Variants in SLC22A9 observed in about 807,000 individuals in gnomAD.
SLC22A9 encodes organic anion transporter 7.
Under a neutral mutation model 50.1 loss-of-function variants are expected in SLC22A9, and 64 were observed. The ratio of observed to expected loss-of-function variants is 1.28; its 90% CI spans 1.04 to 1.57. SLC22A9 has a LOEUF of 1.57. Ranked by LOEUF, SLC22A9 falls within the 40% of genes most tolerant of loss-of-function variation. SLC22A9 has a pLI of 0.00. For synonymous variants in SLC22A9, 261 were observed against 242.5 expected (o/e 1.08, Z -0.71); for missense variants, 757 against 676.1 (o/e 1.12, Z -1.33).
intron 6 of SLC22A9, among the ~76,000 whole-genome samples, chr11:63,387,096 T>G (rs150906194): frequency 2.8e-4 from 43 of 152,248 alleles, no homozygotes; most frequent in Admixed American, 5.2e-4. Flanking sequence ...ATGTTGTCTC[T>G]TTGTTCTCCT....
intron 6 of SLC22A9, among the ~76,000 whole-genome samples, chr11:63,397,499 T>C (rs562135353): frequency 6.6e-6 from 1 of 152,308 alleles, no homozygotes; most frequent in East Asian, 1.9e-4. Context: ...GATGGGTCTA[T>C]AGATGCCATC....
chr11:63,390,840 T>C (rs1437864933), intron 6 of SLC22A9, among the ~76,000 whole-genome samples: 3 of 151,986 alleles, frequency 2.0e-5, no homozygotes, highest in Non-Finnish European at 4.4e-5. Flanking sequence ...TAATCTTTAT[T>C]ATTTATTTTC....
In SLC22A9 at chr11:63,409,012, C is replaced by A; in HGVS notation, c.1601+133C>A. 7.3e-6 allele frequency: 7 copies of A among 962,946 alleles called. No homozygotes were observed. The South Asian group carries it at 1.0e-4, about 14-fold the overall frequency. The allele number at this position is 962,946 out of a possible 1,614,324, so 59.7% of individuals were successfully genotyped here. On this transcript the variant is annotated intron_variant, in intron 9 of 9. Coordinates refer to ENST00000279178, the MANE Select transcript of SLC22A9 (RefSeq NM_080866.3). ...TAGGATTTTCCCATGTAATCAGTGC[C>A]TTAGGTCTAGGTACAGCCACATGCC...
intron 6 of SLC22A9, 79 bp downstream of exon 6, chr11:63,382,356 T>C: frequency 1.0e-6 from 1 of 995,430 alleles, no homozygotes. Context: ...TAGTACAGCA[T>C]GTTTAGGAAA....
chr11:63,376,233 C>T (rs1448574356), intron 5 of SLC22A9, among the ~76,000 whole-genome samples: 2 of 152,074 alleles, frequency 1.3e-5, no homozygotes, highest in Admixed American at 6.6e-5. Flanking sequence ...TGAGGCACTA[C>T]CTATGCCAGA....
chr11:63,402,258 C>G (rs900644050), intron 6 of SLC22A9, among the ~76,000 whole-genome samples: 1 of 151,994 alleles, frequency 6.6e-6, no homozygotes, highest in Admixed American at 6.6e-5. Context: ...TACATTCAAG[C>G]CTTTCATCCA....
intron 6 of SLC22A9, among the ~76,000 whole-genome samples, chr11:63,400,159 A>G (rs1331235736): frequency 1.3e-5 from 2 of 152,114 alleles, no homozygotes; most frequent in Non-Finnish European, 2.9e-5. Flanking sequence ...AATTAGCAGC[A>G]GGAAAGAAAT....
chr11:63,388,622 G>A (rs1027971912), intron 6 of SLC22A9, among the ~76,000 whole-genome samples: 3 of 151,922 alleles, frequency 2.0e-5, no homozygotes, highest in Non-Finnish European at 4.4e-5. Flanking sequence ...AGGGATATTA[G>A]CCTGTAGGTT....
chr11:63,370,513 A>G, intron 1 of SLC22A9, 55 bp downstream of exon 1: 1 of 1,505,754 alleles, frequency 6.6e-7, no homozygotes, highest in Non-Finnish European at 8.9e-7. Context: ...TTAGAATAAC[A>G]CAAGTAATAA....
intron 6 of SLC22A9, among the ~76,000 whole-genome samples, chr11:63,401,965 GTTTT>G (rs983436274): frequency 6.6e-6 from 1 of 151,838 alleles, no homozygotes; most frequent in Non-Finnish European, 1.5e-5. Flanking sequence ...TTGTTTGTTT[GTTTT>G]ATTGTTGCTT....
chr11:63,373,898 C>T lies in SLC22A9; in HGVS notation c.666C>T (p.Ala222=), dbSNP rs185040955. 106 of 1,612,678 alleles carry T rather than the reference C, an allele frequency of 6.6e-5. No individual in the cohort carries two copies. The highest frequency in any genetic ancestry group is 1.8e-4 in the Admixed American group (11 of 59,792). Residue 222 remains alanine (A), a synonymous_variant, in exon 4 of 10, where the codon GCC becomes GCT. Transcript: ENST00000279178. ...SLITNTIMLI[A]EWATHRFQAM... ...CTTATCTGTTTTTTCTTCCAGTAGC[C>T]GAGTGGGCAACACACAGATTCCAGG...
intron 6 of SLC22A9, among the ~76,000 whole-genome samples, chr11:63,392,831 A>T (rs1032633734): frequency 2.0e-5 from 3 of 152,142 alleles, no homozygotes; most frequent in Admixed American, 6.6e-5. Flanking sequence ...CTCATTTTTT[A>T]AAATTCTTGG....
chr11:63,389,041 T>G lies in SLC22A9; in HGVS notation c.1073+6764T>G, dbSNP rs1386011212. On this transcript the variant is annotated intron_variant, in intron 6 of 9. Coordinates refer to ENST00000279178, the MANE Select transcript of SLC22A9 (RefSeq NM_080866.3). ...CAATGTCTCCTTTTTAATCTCTGAT[T>G]TATTTGGATCTTCTCTGTTTAGTTA... is the stretch of plus-strand genomic sequence containing the variant. 2.6e-5 allele frequency among the ~76,000 whole-genome samples: 4 copies of G among 152,302 alleles called. 1 individual carries two copies. The highest frequency in any genetic ancestry group is 6.8e-3 in the Middle Eastern group (2 of 294).
intron 6 of SLC22A9, among the ~76,000 whole-genome samples, chr11:63,383,580 T>C (rs905517790): frequency 1.3e-5 from 2 of 152,108 alleles, no homozygotes; most frequent in African/African-American, 4.8e-5. Flanking sequence ...AGGGAGCTGT[T>C]TCTTCAAATG....
At chr11:63,409,652 G>T (rs1384028370) in intron 9 of SLC22A9, 150 bp from the exon 10 acceptor site, 2 of 710,038 alleles carry the variant, frequency 2.8e-6, no homozygotes, top group Non-Finnish European at 4.6e-6. Context: ...ACTTCACAAG[G>T]TTTACTCAAT....
Position 63,373,853 on chromosome 11 carries a change from T to G in SLC22A9, c.662-41T>G, listed in dbSNP as rs769861040. 13 of 1,605,892 alleles carry G rather than the reference T, an allele frequency of 8.1e-6. No homozygotes were observed. The East Asian group carries it at 8.9e-5, about 11-fold the overall frequency. ...CAAACTGTGACTTTGAAATTGAAAC[T>G]CCACCTTTGAAGTCAAAGCCTTATC... On this transcript the variant is annotated intron_variant, in intron 3 of 9. Coordinates refer to ENST00000279178, the MANE Select transcript of SLC22A9 (RefSeq NM_080866.3).
At chr11:63,407,075 A>G (rs1021194148) in intron 7 of SLC22A9, among the ~76,000 whole-genome samples, 1 of 152,200 alleles carries the variant, frequency 6.6e-6, no homozygotes, top group African/African-American at 2.4e-5. Context: ...ATGAGGACAT[A>G]ATACTGCTAC....
In SLC22A9 at chr11:63,377,322, AAAAG is replaced by A. The variant is rs747381570; in HGVS notation, c.954+1571_954+1574del. ...CATAAAACAATCCTCAGCAAATTCA[AAAAG>A]AAAGAAAGAAAGAAAGTAAACCAAC... is the stretch of plus-strand genomic sequence containing the variant. On this transcript the variant is annotated intron_variant, in intron 5 of 9. Coordinates refer to ENST00000279178, the MANE Select transcript of SLC22A9 (RefSeq NM_080866.3). Among the ~76,000 whole-genome samples the A allele has an allele frequency of 7.9e-4, 120 of 151,998 alleles. 1 individual carries two copies. The highest frequency in any genetic ancestry group is 2.9e-4 in the Non-Finnish European group (20 of 67,924).
intron 6 of SLC22A9, among the ~76,000 whole-genome samples, chr11:63,389,581 C>T (rs1591021044): frequency 6.6e-6 from 1 of 152,218 alleles, no homozygotes; most frequent in East Asian, 1.9e-4. Flanking sequence ...CAGTCTATCA[C>T]TGATGGGCAT....
Sources: allele counts gnomAD v4.1 joint callset (sites outside exome capture counted in the v4.1 genomes callset), GRCh38; gene constraint gnomAD v4.1.1; transcripts MANE v1.5; gene names NCBI Gene and HGNC (gene_info 2026-07-23, HGNC 2026-07-21).